PLEKHA5: variants seen among roughly 807,000 people sequenced by gnomAD.
The protein encoded by PLEKHA5 is pleckstrin homology domain containing A5, also known as pleckstrin homology domain-containing family A member 5.
Under a neutral mutation model 181.9 loss-of-function variants are expected in PLEKHA5, and 55 were observed. The observed-to-expected ratio is 0.30, with a 90% confidence interval of 0.24 to 0.38. PLEKHA5 has a LOEUF of 0.38. PLEKHA5 is among the 10% of genes least tolerant of loss of function. The pLI is 1.00. For missense variants in PLEKHA5, 1,432 were observed against 1,549.5 expected (o/e 0.92, Z 1.27); for synonymous variants, 535 against 529.4 (o/e 1.01, Z -0.15).
At chr12:19,160,511 C>T (rs554644687) in intron 3 of PLEKHA5, among the ~76,000 whole-genome samples, 58 of 152,186 alleles carry the variant, frequency 3.8e-4, no homozygotes, top group African/African-American at 1.3e-3. Context: ...ATGTTAATAC[C>T]TGTACTCTAC....
chr12:19,356,684 T>TTG (rs1291810048), intron 26 of PLEKHA5, among the ~76,000 whole-genome samples: 1 of 132,870 alleles, frequency 7.5e-6, no homozygotes, highest in Non-Finnish European at 1.6e-5. Context: ...TTTTTTTTTT[T>TTG]GAGACAGAGT....
At chr12:19,265,135 G>A (rs943057771) in intron 7 of PLEKHA5, among the ~76,000 whole-genome samples, 6 of 152,164 alleles carry the variant, frequency 3.9e-5, no homozygotes, top group Admixed American at 6.6e-5. Context: ...ATATAGCATA[G>A]TTCAAATATG....
intron 20 of PLEKHA5, among the ~76,000 whole-genome samples, chr12:19,328,272 G>C (rs1015707346): frequency 6.6e-6 from 1 of 152,052 alleles, no homozygotes; most frequent in South Asian, 2.1e-4. Context: ...AATGCCTCTG[G>C]CTTTGTTTTT....
chr12:19,305,884 A>AAAAAC (rs57683694), intron 15 of PLEKHA5, among the ~76,000 whole-genome samples: 7 of 147,538 alleles, frequency 4.7e-5, no homozygotes, highest in Non-Finnish European at 9.0e-5. Flanking sequence ...AAAAAAAAAA[A>AAAAAC]CAACTATGAA....
chr12:19,351,888 A>G (rs1379870242), intron 25 of PLEKHA5, among the ~76,000 whole-genome samples: 1 of 152,062 alleles, frequency 6.6e-6, no homozygotes, highest in Non-Finnish European at 1.5e-5. Flanking sequence ...AGCCTGACCA[A>G]CATGGCGAAA....
chr12:19,361,795 C>A, intron 29 of PLEKHA5, 89 bp downstream of exon 29: 1 of 1,139,362 alleles, frequency 8.8e-7, no homozygotes, highest in Non-Finnish European at 1.3e-6. Context: ...TACTGGATTT[C>A]AGCCCCAGCT....
chr12:19,328,583 G>T (rs1168722316), intron 20 of PLEKHA5, among the ~76,000 whole-genome samples: 1 of 150,894 alleles, frequency 6.6e-6, no homozygotes, highest in Admixed American at 6.6e-5. Flanking sequence ...GTGTGTGTGT[G>T]TGTGTGTGTG....
chr12:19,335,572 C>G (rs528653009), intron 20 of PLEKHA5, among the ~76,000 whole-genome samples: 2 of 139,990 alleles, frequency 1.4e-5, no homozygotes, highest in Non-Finnish European at 3.1e-5. Context: ...CCTGCCACTG[C>G]GCCTGGCTAA....
intron 3 of PLEKHA5, among the ~76,000 whole-genome samples, chr12:19,227,838 T>C (rs757586840): frequency 3.9e-5 from 6 of 152,262 alleles, no homozygotes; most frequent in Non-Finnish European, 5.9e-5. Flanking sequence ...CAGTAGCAGC[T>C]GTTTTGCAAA....
At chr12:19,340,493 G>C (rs1415892103) in intron 21 of PLEKHA5, among the ~76,000 whole-genome samples, 3 of 133,966 alleles carry the variant, frequency 2.2e-5, no homozygotes, top group Admixed American at 2.2e-4. Context: ...TGACAATGGC[G>C]GTTTTGTGGA....
intron 3 of PLEKHA5, among the ~76,000 whole-genome samples, chr12:19,221,174 C>G (rs902766521): frequency 1.4e-4 from 21 of 152,238 alleles, no homozygotes; most frequent in African/African-American, 5.1e-4. Context: ...AAAACATGTC[C>G]ACACAAAAAC....
intron 20 of PLEKHA5, among the ~76,000 whole-genome samples, chr12:19,336,053 A>C (rs1045693347): frequency 3.9e-5 from 6 of 152,200 alleles, no homozygotes; most frequent in Non-Finnish European, 7.3e-5. Flanking sequence ...TTTTTTCCAA[A>C]GGAGAAAAGT....
intron 3 of PLEKHA5, among the ~76,000 whole-genome samples, chr12:19,202,487 C>G (rs1389032451): frequency 2.0e-5 from 3 of 152,056 alleles, no homozygotes; most frequent in Non-Finnish European, 2.9e-5. Flanking sequence ...ACTGGCTCCA[C>G]TGACAGGTCA....
intron 3 of PLEKHA5, among the ~76,000 whole-genome samples, chr12:19,225,454 A>G (rs2059560923): frequency 6.6e-6 from 1 of 152,166 alleles, no homozygotes; most frequent in Non-Finnish European, 1.5e-5. Context: ...TAGTTTTAGC[A>G]TTTGTGGAGT....
chr12:19,362,569 G>A (rs997728033), intron 29 of PLEKHA5, among the ~76,000 whole-genome samples: 1 of 151,830 alleles, frequency 6.6e-6, no homozygotes, highest in African/African-American at 2.4e-5. Context: ...TACATGTACA[G>A]CACTTTACAC....
chr12:19,353,784 G>C, intron 25 of PLEKHA5, 100 bp from the exon 26 acceptor site: 1 of 709,996 alleles, frequency 1.4e-6, no homozygotes, highest in South Asian at 1.7e-5. Flanking sequence ...AAATAAATTT[G>C]CTTTCTGATT....
chr12:19,319,020 T>C (rs2089939766), intron 16 of PLEKHA5, among the ~76,000 whole-genome samples: 1 of 152,116 alleles, frequency 6.6e-6, no homozygotes, highest in African/African-American at 2.4e-5. Context: ...ATTTTGGCAT[T>C]GTCTTACTTT....
intron 3 of PLEKHA5, among the ~76,000 whole-genome samples, chr12:19,157,236 A>G (rs1408492745): frequency 6.6e-6 from 1 of 152,082 alleles, no homozygotes; most frequent in African/African-American, 2.4e-5. Flanking sequence ...ATTCAAATAA[A>G]TGTACTTTTT....
chr12:19,132,243 A>G (rs1016910072), intron 2 of PLEKHA5, 150 bp from the exon 3 acceptor site: 23 of 587,440 alleles, frequency 3.9e-5, no homozygotes, highest in African/African-American at 1.6e-4. Context: ...TCAAAAAATG[A>G]TATCTGTTGT....
Sources: allele counts gnomAD v4.1 joint callset (sites outside exome capture counted in the v4.1 genomes callset), GRCh38; gene constraint gnomAD v4.1.1; transcripts MANE v1.5; gene names NCBI Gene and HGNC (gene_info 2026-07-23, HGNC 2026-07-21).